The following ABTB3 variants were observed in gnomAD, a reference collection of about 807,000 sequenced individuals.
The protein encoded by ABTB3 is ankyrin repeat- and BTB/POZ domain-containing protein 3.
chr12:107,438,779 C>G, the ABTB3 span, among the ~76,000 whole-genome samples: 3 of 152,284 alleles, frequency 2.0e-5, no homozygotes, highest in African/African-American at 7.2e-5. Context: ...GCACCAAATC[C>G]TTCTTAGCAA....
chr12:107,351,652 C>A, the ABTB3 span, among the ~76,000 whole-genome samples: 3 of 152,174 alleles, frequency 2.0e-5, no homozygotes, highest in Non-Finnish European at 4.4e-5. Context: ...CTCTCTCTTG[C>A]ACTGTCTCTC....
At chr12:107,510,270 C>T in the ABTB3 span, among the ~76,000 whole-genome samples, 1 of 152,084 alleles carries the variant, frequency 6.6e-6, no homozygotes, top group Non-Finnish European at 1.5e-5. Context: ...TCTAGCTTGT[C>T]AGGCAGGACT....
the ABTB3 span, among the ~76,000 whole-genome samples, chr12:107,375,343 G>A: frequency 2.0e-5 from 3 of 152,096 alleles, no homozygotes; most frequent in East Asian, 1.9e-4. Flanking sequence ...ACCTTAGCCC[G>A]GGAGATTAAG....
At chr12:107,538,166 C>T in the ABTB3 span, among the ~76,000 whole-genome samples, 9 of 152,142 alleles carry the variant, frequency 5.9e-5, no homozygotes, top group Non-Finnish European at 1.0e-4. Context: ...TTGGGATCTC[C>T]GGAGGCTGTG....
the ABTB3 span, among the ~76,000 whole-genome samples, chr12:107,648,819 A>G: frequency 0.34 from 52,184 of 151,842 alleles, 9,314 homozygotes; most frequent in East Asian, 0.57. Context: ...TGCCACGTGT[A>G]CAGCAGTTCC....
the ABTB3 span, among the ~76,000 whole-genome samples, chr12:107,627,750 C>T: frequency 6.6e-6 from 1 of 152,196 alleles, no homozygotes; most frequent in Non-Finnish European, 1.5e-5. Flanking sequence ...CAGTGAATAT[C>T]CCAACCCAGT....
the ABTB3 span, among the ~76,000 whole-genome samples, chr12:107,437,226 T>C: frequency 6.6e-6 from 1 of 152,106 alleles, no homozygotes; most frequent in African/African-American, 2.4e-5. Context: ...GGTCAGAAGC[T>C]CAAAGTCAAG....
chr12:107,614,127 T>C, the ABTB3 span, among the ~76,000 whole-genome samples: 1 of 152,114 alleles, frequency 6.6e-6, no homozygotes, highest in Non-Finnish European at 1.5e-5. Flanking sequence ...CAAACTGCTC[T>C]GAGTGAAGCA....
the ABTB3 span, among the ~76,000 whole-genome samples, chr12:107,414,720 TTC>T: frequency 6.8e-3 from 1,008 of 149,284 alleles, 33 homozygotes; most frequent in African/African-American, 0.023. Flanking sequence ...TCTTTTCTTT[TTC>T]TTTTTTTTTT....
At chr12:107,468,592 G>A in the ABTB3 span, among the ~76,000 whole-genome samples, 11 of 152,256 alleles carry the variant, frequency 7.2e-5, no homozygotes, top group African/African-American at 2.2e-4. Context: ...GACGGGCTGC[G>A]GATTGTGAGC....
the ABTB3 span, among the ~76,000 whole-genome samples, chr12:107,581,567 C>T: frequency 9.9e-5 from 15 of 152,224 alleles, no homozygotes; most frequent in Admixed American, 5.9e-4. Context: ...TTCTCTCTGG[C>T]TGTTCTCTCT....
the ABTB3 span, among the ~76,000 whole-genome samples, chr12:107,534,416 C>T: frequency 1.3e-5 from 2 of 151,344 alleles, no homozygotes; most frequent in Admixed American, 6.6e-5. Flanking sequence ...AAAGCAAACC[C>T]AAAATTAGGG....
the ABTB3 span, among the ~76,000 whole-genome samples, chr12:107,623,212 C>T: frequency 3.9e-5 from 6 of 152,008 alleles, no homozygotes; most frequent in Non-Finnish European, 8.8e-5. Context: ...AGGCCCACGC[C>T]ACCATGCCCT....
chr12:107,406,279 A>G, the ABTB3 span, among the ~76,000 whole-genome samples: 1 of 152,180 alleles, frequency 6.6e-6, no homozygotes, highest in African/African-American at 2.4e-5. Flanking sequence ...AAGATGTCCC[A>G]GTCAGCCAGG....
chr12:107,501,798 C>T, the ABTB3 span, among the ~76,000 whole-genome samples: 3 of 152,094 alleles, frequency 2.0e-5, no homozygotes, highest in Non-Finnish European at 2.9e-5. Context: ...TGAGATAGAG[C>T]GTCCATAGGT....
chr12:107,542,980 C>A, the ABTB3 span, among the ~76,000 whole-genome samples: 1 of 152,076 alleles, frequency 6.6e-6, no homozygotes, highest in Admixed American at 6.6e-5. Flanking sequence ...ATAAGTGGAT[C>A]CAAGTAGTTC....
chr12:107,558,894 G>A, the ABTB3 span, among the ~76,000 whole-genome samples: 155 of 152,278 alleles, frequency 1.0e-3, 2 homozygotes, highest in East Asian at 9.7e-4. Context: ...AGGGCTGGAC[G>A]TTGAGCCCCA....
At chr12:107,525,681 C>T in the ABTB3 span, among the ~76,000 whole-genome samples, 1 of 152,236 alleles carries the variant, frequency 6.6e-6, no homozygotes, top group Admixed American at 6.5e-5. Flanking sequence ...GGGACCACCT[C>T]TGCAGACTGG....
chr12:107,568,617 C>G, the ABTB3 span, among the ~76,000 whole-genome samples: 1 of 152,202 alleles, frequency 6.6e-6, no homozygotes, highest in Non-Finnish European at 1.5e-5. Context: ...AGCTACCAAA[C>G]TGGACAGCAC....
Sources: allele counts gnomAD v4.1 joint callset (sites outside exome capture counted in the v4.1 genomes callset), GRCh38; gene constraint gnomAD v4.1.1; transcripts MANE v1.5; gene names NCBI Gene and HGNC (gene_info 2026-07-23, HGNC 2026-07-21).